MTMR1: variants seen among roughly 807,000 people sequenced by gnomAD.
The protein encoded by MTMR1 is phosphatidylinositol-3-phosphate phosphatase MTMR1.
In MTMR1, 17 loss-of-function variants were observed where a neutral mutation model predicts 51.6. The observed-to-expected ratio is 0.33, with a 90% CI of 0.23 to 0.49. The LOEUF (loss-of-function observed/expected upper bound fraction) is 0.49, where lower values mean the gene tolerates loss of function less well. Ranked by LOEUF, MTMR1 falls within the 20% of genes least tolerant of loss-of-function variation. MTMR1 has a pLI of 0.99. For missense variants in MTMR1, 386 were observed against 526.9 expected, an observed-to-expected ratio of 0.73 and a Z score of 2.62; for synonymous variants, 201 against 205.6, an observed-to-expected ratio of 0.98 and a Z score of 0.19.
chrX:150,694,635 C>T (rs1464781766), intron 1 of MTMR1, among the ~76,000 whole-genome samples: 1 of 112,408 alleles, frequency 8.9e-6, no homozygotes, highest in Non-Finnish European at 1.9e-5. Flanking sequence ...GTTTCTACCT[C>T]AGTGTAATTA....
chrX:150,732,862 C>A, intron 10 of MTMR1, 132 bp downstream of exon 10: 1 of 630,661 alleles, frequency 1.6e-6, no homozygotes, highest in Non-Finnish European at 2.4e-6. Flanking sequence ...CATAGCTATT[C>A]CTCCCTGGTG....
chrX:150,724,009 C>G (rs1557416673), intron 4 of MTMR1, among the ~76,000 whole-genome samples: 1 of 112,185 alleles, frequency 8.9e-6, no homozygotes. Context: ...GATTCCATGA[C>G]TTTGCTATTG....
chrX:150,732,860 T>G, intron 10 of MTMR1, 130 bp downstream of exon 10: 4 of 627,400 alleles, frequency 6.4e-6, no homozygotes, highest in African/African-American at 2.3e-5. Context: ...CCCATAGCTA[T>G]TCCTCCCTGG....
At chrX:150,713,476 T>A (rs549042910) in intron 3 of MTMR1, among the ~76,000 whole-genome samples, 1 of 111,811 alleles carries the variant, frequency 8.9e-6, no homozygotes, top group Admixed American at 9.5e-5. Flanking sequence ...AAATGGAAGG[T>A]GGGAAATAGT....
intron 2 of MTMR1, among the ~76,000 whole-genome samples, chrX:150,707,928 A>T (rs1296222643): frequency 8.9e-6 from 1 of 112,341 alleles, no homozygotes; most frequent in Non-Finnish European, 1.9e-5. Flanking sequence ...GGCAACTTGG[A>T]TGAATCTTAA....
chrX:150,699,700 A>G (rs1483181691), intron 2 of MTMR1, among the ~76,000 whole-genome samples: 1 of 112,602 alleles, frequency 8.9e-6, no homozygotes, highest in African/African-American at 3.2e-5. Context: ...ATGTGATACT[A>G]GAATGTATAA....
intron 4 of MTMR1, among the ~76,000 whole-genome samples, chrX:150,722,115 T>C (rs1357861892): frequency 8.9e-6 from 1 of 112,263 alleles, no homozygotes; most frequent in East Asian, 2.8e-4. Flanking sequence ...AACATGCTTT[T>C]TATAACTTGA....
At chrX:150,717,093 C>A (rs1437067815) in intron 3 of MTMR1, among the ~76,000 whole-genome samples, 4 of 110,924 alleles carry the variant, frequency 3.6e-5, no homozygotes, top group South Asian at 3.8e-4. Flanking sequence ...GGCGCGGTGG[C>A]TCACGCCTGT....
chrX:150,697,278 A>G (rs1557415769), intron 1 of MTMR1, among the ~76,000 whole-genome samples: 2 of 112,226 alleles, frequency 1.8e-5, no homozygotes, highest in African/African-American at 6.5e-5. Context: ...ATTTTCAACC[A>G]TACAGATAAC....
chrX:150,725,259 T>C (rs2041889594), intron 4 of MTMR1, among the ~76,000 whole-genome samples: 1 of 111,929 alleles, frequency 8.9e-6, no homozygotes, highest in Non-Finnish European at 1.9e-5. Flanking sequence ...AGCAGTATTT[T>C]GTAATTCTCA....
chrX:150,760,155 T>C (rs1394625889), intron 15 of MTMR1, among the ~76,000 whole-genome samples: 1 of 108,454 alleles, frequency 9.2e-6, no homozygotes, highest in Non-Finnish European at 2.0e-5. Context: ...GGCCGCAGCT[T>C]GTTATCCTGT....
intron 2 of MTMR1, among the ~76,000 whole-genome samples, chrX:150,709,739 C>G (rs1480366468): frequency 9.0e-6 from 1 of 111,212 alleles, no homozygotes; most frequent in Admixed American, 9.5e-5. Context: ...GTGCCATACC[C>G]TCTTAAATAA....
rs1289136237 is a variant in MTMR1, at chrX:150,727,752, C to G, written c.516C>G (p.Ser172Arg). The G allele has an allele frequency of 2.5e-6, 3 of 1,210,257 alleles. No individual in the cohort carries two copies. Among genetic ancestry groups the G allele is most frequent in the Middle Eastern group, 2.3e-4 (1 of 4,353 alleles). ...ISRVEKIGAQ[S>R]HGDNSCGIEI... The stretch of plus-strand genomic sequence containing the variant: ...GAGTGGAGAAGATTGGAGCACAGAG[C>G]CATGGAGACAATTCCTGTGGTATAG... Residue 172 changes from serine (S) to arginine (R), a missense_variant, in exon 6 of 16, where the codon AGC becomes AGG. Ser to Arg is a moderately radical substitution (Grantham distance 110). Coordinates refer to ENST00000445323, the MANE Select transcript of MTMR1 (RefSeq NM_001306144.3).
rs1348742153 is a variant in MTMR1 at position 150,758,721 on chromosome X, G to A, written c.1857+2856G>A. On this transcript the variant is annotated intron_variant, in intron 15 of 15. Coordinates refer to ENST00000445323, the MANE Select transcript of MTMR1 (RefSeq NM_001306144.3). ...CAGAAGAATCGCTTGAACCTGGGAG[G>A]CGGAGGTTGTAGTGAGCTGAGATGA... Among the ~76,000 whole-genome samples the A allele has an allele frequency of 3.7e-5, 4 of 109,124 alleles. No individual in the cohort carries two copies. The Admixed American group carries it at 3.9e-4, about 11-fold the overall frequency. 94.8% of individuals were successfully genotyped at this position (109,124 alleles called of 115,157 possible). A position where few individuals can be genotyped will look rare whatever the true frequency, so the allele number is the denominator to read the frequency against.
chrX:150,720,818 T>C (rs373825651), intron 4 of MTMR1, among the ~76,000 whole-genome samples: 5 of 112,063 alleles, frequency 4.5e-5, no homozygotes, highest in African/African-American at 1.6e-4. Flanking sequence ...TTACTCTTGA[T>C]TGAACCTCCA....
In MTMR1 at chrX:150,699,348, A is replaced by T. The variant is rs781785409; in HGVS notation, c.252+48A>T. 3.2e-5 allele frequency: 30 copies of T among 948,982 alleles called. No homozygotes were observed. The South Asian group carries it at 5.7e-4, about 18-fold the overall frequency. 78.2% of individuals were successfully genotyped at this position (948,982 alleles called of 1,213,427 possible). The stretch of plus-strand genomic sequence containing the variant: ...TTCATTTTCAGTATGCTAAGTAGCC[A>T]AGAAGCTTTGCAGTTTTAATTCAAG... On this transcript the variant is annotated intron_variant, in intron 2 of 15. Coordinates refer to ENST00000445323, the MANE Select transcript of MTMR1 (RefSeq NM_001306144.3).
chrX:150,750,291 C>T (rs911951457), intron 13 of MTMR1, among the ~76,000 whole-genome samples: 9 of 112,242 alleles, frequency 8.0e-5, no homozygotes, highest in African/African-American at 2.9e-4. Flanking sequence ...TTACCCCCGA[C>T]CTGGGATGTG....
At chrX:150,752,624 G>GTTTTTTT (rs782406235) in intron 14 of MTMR1, among the ~76,000 whole-genome samples, 1 of 57,460 alleles carries the variant, frequency 1.7e-5, no homozygotes, top group Non-Finnish European at 3.0e-5. Context: ...GCTTTATCTT[G>GTTTTTTT]TTTTTTTTTT....
intron 14 of MTMR1, among the ~76,000 whole-genome samples, chrX:150,754,000 C>T (rs782295094): frequency 4.4e-5 from 5 of 112,608 alleles, no homozygotes; most frequent in Admixed American, 9.4e-5. Flanking sequence ...CGTTTGTATA[C>T]GGTGTGAATT....
Sources: allele counts gnomAD v4.1 joint callset (sites outside exome capture counted in the v4.1 genomes callset), GRCh38; gene constraint gnomAD v4.1.1; transcripts MANE v1.5; gene names NCBI Gene and HGNC (gene_info 2026-07-23, HGNC 2026-07-21).